CDK5: variants seen among roughly 807,000 people sequenced by gnomAD.
The protein encoded by CDK5 is cyclin-dependent kinase 5.
In CDK5, 18 loss-of-function variants were observed where a neutral mutation model predicts 44.6. That is an observed-to-expected ratio of 0.40 (90% CI 0.28 to 0.60). The LOEUF (loss-of-function observed/expected upper bound fraction) is 0.60. Ranked by LOEUF, CDK5 falls within the 20% of genes least tolerant of loss-of-function variation. The pLI, the probability that CDK5 is intolerant of heterozygous loss-of-function variation, is 0.38. For missense variants in CDK5, 198 were observed against 368.1 expected, an observed-to-expected ratio of 0.54 and a Z score of 3.78; for synonymous variants, 143 against 152.8, an observed-to-expected ratio of 0.94 and a Z score of 0.47.
At chr7:151,055,885 G>T in intron 5 of CDK5, 37 bp from the exon 6 acceptor site, 1 of 1,425,996 alleles carries the variant, frequency 7.0e-7, no homozygotes. Context: ...CAGACGCCCT[G>T]AACATGCAAC....
rs531439989 is a variant in CDK5, at chr7:151,056,166, T to A, written c.313-318A>T. The A allele has an allele frequency of 7.7e-5, 40 of 517,320 alleles. No homozygotes were observed. The highest frequency in any genetic ancestry group is 7.4e-4 in the African/African-American group (39 of 52,786). 32.0% of individuals were successfully genotyped at this position (517,320 alleles called of 1,614,324 possible). A position where few individuals can be genotyped will look rare whatever the true frequency, so the allele number is the denominator to read the frequency against. ...TTCCCTTCCTGGCCGCATCTGAGTA[T>A]GCACGCCGTGAACATCAACATAAAT... On this transcript the variant is annotated intron_variant, in intron 5 of 11. Transcript: ENST00000485972. This position sits in a 1 kb window ranked among gnomAD's most constrained non-coding sequence, Gnocchi z 4.7.
In CDK5 at chr7:151,056,155, G is replaced by A. The variant is rs138049042; in HGVS notation, c.313-307C>T. The A allele has an allele frequency of 1.7e-4, 86 of 519,034 alleles. No individual in the cohort carries two copies. The highest frequency in any genetic ancestry group is 1.3e-3 in the African/African-American group (68 of 52,724). The allele number at this position is 519,034 out of a possible 1,614,324, so 32.2% of individuals were successfully genotyped here. A position where few individuals can be genotyped will look rare whatever the true frequency, so the allele number is the denominator to read the frequency against. On this transcript the variant is annotated intron_variant, in intron 5 of 11. Coordinates refer to ENST00000485972, the MANE Select transcript of CDK5 (RefSeq NM_004935.4). This position sits in a 1 kb window ranked among gnomAD's most constrained non-coding sequence, Gnocchi z 4.7. ...CCATGCTGATCTTCCCTTCCTGGCC[G>A]CATCTGAGTATGCACGCCGTGAACA...
chr7:151,056,414 GCTCA>G lies in CDK5; in HGVS notation c.312+162_312+165del. ...GGGTCAAAGATGACCACGTGAAAAT[GCTCA>G]CTAAGACTGGAGACCCCTGGAGGAC... On this transcript the variant is annotated intron_variant, in intron 5 of 11. Transcript: ENST00000485972. The surrounding 1 kb of genome is among the most constrained non-coding windows in gnomAD (Gnocchi z 4.7). 8.0e-6 allele frequency: 5 copies of G among 628,048 alleles called. No individual in the cohort carries two copies. Among genetic ancestry groups the G allele is most frequent in the Non-Finnish European group, 1.1e-5 (4 of 352,888 alleles). The allele number at this position is 628,048 out of a possible 1,614,324, so 38.9% of individuals were successfully genotyped here. A position where few individuals can be genotyped will look rare whatever the true frequency, so the allele number is the denominator to read the frequency against.
rs1796852370 is a variant in CDK5 at position 151,054,335 on chromosome 7, G to A, written c.712-43C>T. ...GGGTCAGACTAGAGGTAGGGGGAGG[G>A]GGATGGAGGCGCTAGGAATGTGAAA... On this transcript the variant is annotated intron_variant, in intron 10 of 11. Coordinates refer to ENST00000485972, the MANE Select transcript of CDK5 (RefSeq NM_004935.4). The surrounding 1 kb of genome is among the most constrained non-coding windows in gnomAD (Gnocchi z 5.7). 3 of 1,611,812 alleles carry A rather than the reference G, an allele frequency of 1.9e-6. No individual in the cohort carries two copies. The highest frequency in any genetic ancestry group is 2.5e-6 in the Non-Finnish European group (3 of 1,178,218).
At position 151,057,528 on chromosome 7, in the gene CDK5, G is replaced by T; in HGVS notation, c.37+284C>A. 1 of 601,162 alleles carries T rather than the reference G, an allele frequency of 1.7e-6. No individual in the cohort carries two copies. The allele number at this position is 601,162 out of a possible 1,614,324, so 37.2% of individuals were successfully genotyped here. ...AAACGAGGCTGGGGGTCGGGGTGAG[G>T]TTGTCCAAGTGCTGCTGAGGCTGGG... On this transcript the variant is annotated intron_variant, in intron 1 of 11. Coordinates refer to ENST00000485972, the MANE Select transcript of CDK5 (RefSeq NM_004935.4). The surrounding 1 kb of genome is among the most constrained non-coding windows in gnomAD (Gnocchi z 5.2).
At position 151,053,859 on chromosome 7, in the gene CDK5, G is replaced by C. The variant is rs753001382; in HGVS notation, c.*150C>G. On this transcript the variant is annotated 3_prime_UTR_variant, in exon 12 of 12. Transcript: ENST00000485972. ...TATGAAATTAAATAAAGTCCACAAA[G>C]GGAGTGAGAAATTCGGGCTCAGGCA... 1 of 633,826 alleles carries C rather than the reference G, an allele frequency of 1.6e-6. No individual in the cohort carries two copies. The highest frequency in any genetic ancestry group is 2.8e-6 in the Non-Finnish European group (1 of 363,568). 39.3% of individuals were successfully genotyped at this position (633,826 alleles called of 1,614,324 possible). A position where few individuals can be genotyped will look rare whatever the true frequency, so the allele number is the denominator to read the frequency against.
chr7:151,054,960 C>A lies in CDK5; in HGVS notation c.650+67G>T. ...ACCCCACACCATCACTGCCCTCACC[C>A]ATTGTGCTCAAAACTCCATGGACTC... On this transcript the variant is annotated intron_variant, in intron 9 of 11. Transcript: ENST00000485972. The surrounding 1 kb of genome is among the most constrained non-coding windows in gnomAD (Gnocchi z 5.7). The A allele has an allele frequency of 6.7e-7, 1 of 1,492,954 alleles. No individual in the cohort carries two copies. The highest frequency in any genetic ancestry group is 1.1e-5 in the South Asian group (1 of 87,710). 92.5% of individuals were successfully genotyped at this position (1,492,954 alleles called of 1,614,324 possible).
At position 151,055,512 on chromosome 7, in the gene CDK5, T is replaced by C. The variant is rs1158427801; in HGVS notation, c.483+20A>G. ...TGAGGGACTCCCTCCCCCAATCCCA[T>C]ATCCCATCTTCTAGCTCACCTCAGC... On this transcript the variant is annotated intron_variant, in intron 7 of 11. Transcript: ENST00000485972. The C allele has an allele frequency of 4.3e-6, 7 of 1,610,390 alleles. No homozygotes were observed. The East Asian group carries it at 6.7e-5, about 15-fold the overall frequency.
In CDK5 at chr7:151,056,915, T is replaced by C. The variant is rs954726581; in HGVS notation, c.187A>G (p.Ile63Val). The C allele has an allele frequency of 5.0e-6, 8 of 1,611,476 alleles. No homozygotes were observed. Among genetic ancestry groups the C allele is most frequent in the Non-Finnish European group, 1.7e-6 (2 of 1,178,864 alleles). The change falls in exon 3 of 12, where the codon ATC (isoleucine) becomes GTC (valine). Residue 63 changes from isoleucine (I) to valine (V), a missense_variant. By Grantham distance (29) the Ile-to-Val change is conservative (BLOSUM62 3). Around this residue, in one of 4 missense-constraint regions of CDK5, gnomAD observed 53 missense variants for 122.7 expected, o/e 0.43. Coordinates refer to ENST00000485972, the MANE Select transcript of CDK5 (RefSeq NM_004935.4). This position sits in a 1 kb window ranked among gnomAD's most constrained non-coding sequence, Gnocchi z 4.7. ...CACCCGCCTCCCGCACACCTGACGA[T>C]GTTCTTGTGCTTCAGCTCCTTGAGT... Reference protein sequence around the residue: ...CLLKELKHKNIVRLHDVLHSD... With the variant: ...CLLKELKHKNVVRLHDVLHSD...
chr7:151,055,548 CG>C lies in CDK5; in HGVS notation c.466del (p.Arg156AlafsTer57). 6.2e-7 allele frequency: 1 copy of C among 1,613,694 alleles called. No individual in the cohort carries two copies. Among genetic ancestry groups the C allele is most frequent in the East Asian group, 2.2e-5 (1 of 44,876 alleles). On this transcript the variant is annotated frameshift_variant, in exon 7 of 12. Coordinates refer to ENST00000485972, the MANE Select transcript of CDK5 (RefSeq NM_004935.4). LOFTEE classifies it high-confidence loss of function. Reference protein sequence around the residue: ...GLARAFGIPVRCYSAEVVTLW... With the variant: ...GLARAFGIPVXCYSAEVVTLW... ...CTAGCTCACCTCAGCTGAGTAACAG[CG>C]GACGGGAATCCCAAAGGCTCGAGCC... is the stretch of plus-strand genomic sequence containing the variant.
rs1244529588 is a variant in CDK5 at position 151,056,958 on chromosome 7, G to A, written c.144C>T (p.Ala48=). Residue 48 remains alanine (A), a synonymous_variant, in exon 3 of 12, where the codon GCC becomes GCT. Coordinates refer to ENST00000485972, the MANE Select transcript of CDK5 (RefSeq NM_004935.4). The surrounding 1 kb of genome is among the most constrained non-coding windows in gnomAD (Gnocchi z 4.7). ...DDDDEGVPSS[A]LREICLLKEL... ...CCTTGAGTAGGCAGATCTCCCGGAG[G>A]GCGGAACTCGGCACACCCTGCATAT... 1 of 1,613,718 alleles carries A rather than the reference G, an allele frequency of 6.2e-7. No individual in the cohort carries two copies. Among genetic ancestry groups the A allele is most frequent in the African/African-American group, 1.3e-5 (1 of 74,928 alleles).
rs1796886913 is a variant in CDK5, at chr7:151,056,035, C to G, written c.313-187G>C. ...ATACTGTGCTAGGCATTAGAGGGACCAAAGTAAAGAAGCTGGCTCTGGTCC... is the reference window on the plus strand; with the variant it reads ...ATACTGTGCTAGGCATTAGAGGGACGAAAGTAAAGAAGCTGGCTCTGGTCC... On this transcript the variant is annotated intron_variant, in intron 5 of 11. Coordinates refer to ENST00000485972, the MANE Select transcript of CDK5 (RefSeq NM_004935.4). The surrounding 1 kb of genome is among the most constrained non-coding windows in gnomAD (Gnocchi z 4.7). 5 of 591,626 alleles carry G rather than the reference C, an allele frequency of 8.5e-6. No homozygotes were observed. The highest frequency in any genetic ancestry group is 1.5e-5 in the Non-Finnish European group (5 of 330,928). The allele number at this position is 591,626 out of a possible 1,614,324, so 36.6% of individuals were successfully genotyped here.
Position 151,054,348 on chromosome 7 carries a change from T to C in CDK5, c.712-56A>G. The C allele has an allele frequency of 6.2e-7, 1 of 1,611,472 alleles. No individual in the cohort carries two copies. Among genetic ancestry groups the C allele is most frequent in the South Asian group, 1.1e-5 (1 of 90,984 alleles). ...GGTAGGGGGAGGGGGATGGAGGCGC[T>C]AGGAATGTGAAACGAGTGACCCTGA... On this transcript the variant is annotated intron_variant, in intron 10 of 11. Transcript: ENST00000485972. The surrounding 1 kb of genome is among the most constrained non-coding windows in gnomAD (Gnocchi z 5.7).
At chr7:151,055,871 G>A in intron 5 of CDK5, 23 bp from the exon 6 acceptor site, 1 of 1,529,522 alleles carries the variant, frequency 6.5e-7, no homozygotes, top group Non-Finnish European at 9.0e-7. Context: ...AGGGAGAAGG[G>A]AGTCAGACGC....
In CDK5 at chr7:151,056,044, G is replaced by T; in HGVS notation, c.313-196C>A. ...TAGGCATTAGAGGGACCAAAGTAAA[G>T]AAGCTGGCTCTGGTCCCCACCTTCC... On this transcript the variant is annotated intron_variant, in intron 5 of 11. Coordinates refer to ENST00000485972, the MANE Select transcript of CDK5 (RefSeq NM_004935.4). This position sits in a 1 kb window ranked among gnomAD's most constrained non-coding sequence, Gnocchi z 4.7. 1 of 588,174 alleles carries T rather than the reference G, an allele frequency of 1.7e-6. No individual in the cohort carries two copies. The highest frequency in any genetic ancestry group is 3.0e-6 in the Non-Finnish European group (1 of 329,070). 36.4% of individuals were successfully genotyped at this position (588,174 alleles called of 1,614,324 possible).
At chr7:151,055,917 T>C (rs1459196451) in intron 5 of CDK5, 69 bp from the exon 6 acceptor site, 2 of 1,021,240 alleles carry the variant, frequency 2.0e-6, no homozygotes, top group East Asian at 5.2e-5. Flanking sequence ...ACGGGTCGGC[T>C]CCTCTCCTCA....
rs1409097553 is a variant in CDK5 at position 151,057,725 on chromosome 7, T to C, written c.37+87A>G. Reference sequence around the variant, plus strand: ...CTGCTGAGATCGGAGCCTGTAGGCATTGCTGACGGTAAGGGAGCCAGGGCT... The same window carrying C: ...CTGCTGAGATCGGAGCCTGTAGGCACTGCTGACGGTAAGGGAGCCAGGGCT... On this transcript the variant is annotated intron_variant, in intron 1 of 11. Transcript: ENST00000485972. The surrounding 1 kb of genome is among the most constrained non-coding windows in gnomAD (Gnocchi z 5.2). 1.1e-4 allele frequency: 155 copies of C among 1,424,328 alleles called. No homozygotes were observed. The East Asian group carries it at 3.7e-3, about 34-fold the overall frequency. The allele number at this position is 1,424,328 out of a possible 1,614,324, so 88.2% of individuals were successfully genotyped here. A position where few individuals can be genotyped will look rare whatever the true frequency, so the allele number is the denominator to read the frequency against.
In CDK5 at chr7:151,053,850, G is replaced by A. The variant is rs1796840636; in HGVS notation, c.*159C>T. 5.1e-5 allele frequency: 32 copies of A among 622,386 alleles called. No homozygotes were observed. The highest frequency in any genetic ancestry group is 9.8e-5 in the South Asian group (5 of 51,132). 38.6% of individuals were successfully genotyped at this position (622,386 alleles called of 1,614,324 possible). ...GAGCCAATTTATGAAATTAAATAAAGTCCACAAAGGGAGTGAGAAATTCGG... is the reference window on the plus strand; with the variant it reads ...GAGCCAATTTATGAAATTAAATAAAATCCACAAAGGGAGTGAGAAATTCGG... On this transcript the variant is annotated 3_prime_UTR_variant, in exon 12 of 12. Transcript: ENST00000485972.
In CDK5 at chr7:151,057,170, G is replaced by GGAGGTCA. The variant is rs761350357; in HGVS notation, c.38-17_38-11dup. On this transcript the variant is annotated splice_polypyrimidine_tract_variant and intron_variant, in intron 1 of 11. Transcript: ENST00000485972. This position sits in a 1 kb window ranked among gnomAD's most constrained non-coding sequence, Gnocchi z 5.2. ...ACAGTTCCGTAGGTGCCTAGGGGAA[G>GGAGGTCA]GAGGTCAGGGGTCAGGGTGAGGATG... The GGAGGTCA allele has an allele frequency of 1.2e-6, 2 of 1,607,702 alleles. No individual in the cohort carries two copies. Among genetic ancestry groups the GGAGGTCA allele is most frequent in the African/African-American group, 2.7e-5 (2 of 74,830 alleles).
Sources: gnomAD v4.1 joint callset for allele counts on GRCh38, gnomAD v4.1.1 for gene constraint, gnomAD v4.1.1 regional missense constraint, Gnocchi (gnomAD v3.1) non-coding constraint, MANE v1.5 for transcripts, NCBI Gene and HGNC (gene_info 2026-07-23, HGNC 2026-07-21) for gene names.